CAMKK2: variants seen among roughly 807,000 people sequenced by gnomAD.
CAMKK2 encodes the protein calcium/calmodulin dependent protein kinase kinase 2.
Under a neutral mutation model 67.2 loss-of-function variants are expected in CAMKK2, and 30 were observed. The observed-to-expected ratio is 0.45, with a 90% CI of 0.33 to 0.61. The LOEUF is 0.61. CAMKK2 is among the 20% of genes least tolerant of loss of function. CAMKK2 has a pLI of 0.02. For missense variants in CAMKK2, 643 were observed against 802.0 expected, an observed-to-expected ratio of 0.80 and a Z score of 2.39; for synonymous variants, 322 against 326.2, an observed-to-expected ratio of 0.99 and a Z score of 0.14.
intron 1 of CAMKK2, among the ~76,000 whole-genome samples, chr12:121,288,018 T>C (rs186769953): frequency 6.6e-6 from 1 of 152,302 alleles, no homozygotes; most frequent in Admixed American, 6.5e-5. Context: ...AAACCAGGTG[T>C]GCATGGGTGG....
chr12:121,248,922 C>T (rs747937317), intron 13 of CAMKK2, among the ~76,000 whole-genome samples, 188 bp from the exon 14 acceptor site: 3 of 152,216 alleles, frequency 2.0e-5, no homozygotes, highest in African/African-American at 4.8e-5. Context: ...AGAGACAGGA[C>T]GGGAGGAGCT....
chr12:121,260,433 G>A, intron 6 of CAMKK2, 78 bp from the exon 7 acceptor site: 1 of 1,380,402 alleles, frequency 7.2e-7, no homozygotes, highest in Non-Finnish European at 1.0e-6. Flanking sequence ...GCAGGGAGGA[G>A]GCAGCATCCA....
At position 121,257,465 on chromosome 12, in the gene CAMKK2, C is replaced by T. The variant is rs192716041; in HGVS notation, c.797-1661G>A. 2.0e-5 allele frequency among the ~76,000 whole-genome samples: 3 copies of T among 152,220 alleles called. No individual in the cohort carries two copies. In the East Asian group the frequency reaches 5.8e-4, roughly 29 times the overall value. On this transcript the variant is annotated intron_variant, in intron 7 of 16. Transcript: ENST00000404169. ...GTTTCACCGTATTGGTCAGGCTGGT[C>T]TCGAACTTCTGACATCAGGTGATCC...
At chr12:121,256,172 A>G (rs1479043823) in intron 7 of CAMKK2, among the ~76,000 whole-genome samples, 1 of 152,214 alleles carries the variant, frequency 6.6e-6, no homozygotes, top group Non-Finnish European at 1.5e-5. Context: ...TGAGGTCAAG[A>G]GCTCGAGACC....
At chr12:121,255,344 ATATATATAAT>A (rs1416407103) in intron 9 of CAMKK2, among the ~76,000 whole-genome samples, 196 bp downstream of exon 9, 2 of 9,796 alleles carry the variant, frequency 2.0e-4, no homozygotes, top group Non-Finnish European at 3.9e-4. Flanking sequence ...ATATAATTTT[ATATATATAAT>A]TATATATATA....
intron 5 of CAMKK2, among the ~76,000 whole-genome samples, chr12:121,265,635 G>A (rs954817916): frequency 1.3e-5 from 2 of 152,072 alleles, no homozygotes; most frequent in African/African-American, 4.8e-5. Context: ...TTGGGAGGCC[G>A]AGGTGGGTGG....
intron 1 of CAMKK2, among the ~76,000 whole-genome samples, chr12:121,288,084 T>A (rs554353927): frequency 6.6e-6 from 1 of 152,284 alleles, no homozygotes; most frequent in South Asian, 2.1e-4. Context: ...TGGGTATGTG[T>A]TTAGAGGAGG....
intron 6 of CAMKK2, among the ~76,000 whole-genome samples, chr12:121,263,255 GGTTT>G (rs36166949): frequency 0.71 from 106,749 of 151,186 alleles, 39,201 homozygotes; most frequent in African/African-American, 0.93. Context: ...CCCTCTGTCT[GGTTT>G]GTTTGTTTGT....
chr12:121,251,076 G>A (rs1361797203), intron 11 of CAMKK2, among the ~76,000 whole-genome samples: 3 of 152,108 alleles, frequency 2.0e-5, no homozygotes, highest in Non-Finnish European at 4.4e-5. Flanking sequence ...TCCTTACACG[G>A]GACACTGAAA....
intron 15 of CAMKK2, 70 bp from the exon 16 acceptor site, chr12:121,244,685 C>A: frequency 7.6e-7 from 1 of 1,313,226 alleles, no homozygotes; most frequent in East Asian, 2.5e-5. Flanking sequence ...TGCCCGTTCC[C>A]CCACCCTGAG....
intron 5 of CAMKK2, among the ~76,000 whole-genome samples, chr12:121,266,320 C>T (rs1203662141): frequency 2.0e-5 from 3 of 151,884 alleles, no homozygotes; most frequent in East Asian, 1.9e-4. Flanking sequence ...TTACAGGACA[C>T]CATTTGTTAT....
chr12:121,269,750 A>C, intron 3 of CAMKK2, 169 bp from the exon 4 acceptor site: 1 of 617,322 alleles, frequency 1.6e-6, no homozygotes, highest in Non-Finnish European at 2.9e-6. Flanking sequence ...GCCAAGATTT[A>C]AAAACAGAAA....
chr12:121,290,250 G>A (rs1211848270), intron 1 of CAMKK2, among the ~76,000 whole-genome samples: 2 of 152,212 alleles, frequency 1.3e-5, no homozygotes, highest in Admixed American at 1.3e-4. Context: ...TCCTGGCAAA[G>A]CTATCAGGAC....
At chr12:121,273,243 A>G (rs1018578254) in intron 2 of CAMKK2, among the ~76,000 whole-genome samples, 1 of 152,082 alleles carries the variant, frequency 6.6e-6, no homozygotes, top group Non-Finnish European at 1.5e-5. Flanking sequence ...ACATTATCGG[A>G]ATAGGCCTTA....
chr12:121,260,542 C>T, intron 6 of CAMKK2, 187 bp from the exon 7 acceptor site: 1 of 600,598 alleles, frequency 1.7e-6, no homozygotes. Context: ...ATCCTAATGG[C>T]TATTCGGAAA....
chr12:121,270,104 G>A (rs1895446532), intron 3 of CAMKK2, among the ~76,000 whole-genome samples: 1 of 151,852 alleles, frequency 6.6e-6, no homozygotes, highest in South Asian at 2.1e-4. Flanking sequence ...AGGCAAGGTG[G>A]CTTACACCTG....
chr12:121,278,800 C>T (rs896805919), intron 1 of CAMKK2, among the ~76,000 whole-genome samples: 6 of 152,196 alleles, frequency 3.9e-5, no homozygotes, highest in Non-Finnish European at 7.3e-5. Flanking sequence ...AGCGTGAAAA[C>T]GGACTAATAC....
At position 121,240,526 on chromosome 12, in the gene CAMKK2, T is replaced by TTTTG; in HGVS notation, c.*172_*173insCAAA. On this transcript the variant is annotated 3_prime_UTR_variant, in exon 17 of 17. Transcript: ENST00000404169. The surrounding 1 kb of genome is among the most constrained non-coding windows in gnomAD (Gnocchi z 4.4). The stretch of plus-strand genomic sequence containing the variant: ...GGTCGACGTCATGGAGTCAAGTCCT[T>TTTTG]TTTTTTTTTTTGTCCCCTTTAAAAC... 1 of 1,072,872 alleles carries TTTTG rather than the reference T, an allele frequency of 9.3e-7. No homozygotes were observed. Among genetic ancestry groups the TTTTG allele is most frequent in the South Asian group, 1.7e-5 (1 of 58,408 alleles). The allele number at this position is 1,072,872 out of a possible 1,614,324, so 66.5% of individuals were successfully genotyped here.
intron 1 of CAMKK2, among the ~76,000 whole-genome samples, chr12:121,282,088 G>A (rs1158794395): frequency 2.6e-5 from 4 of 152,272 alleles, no homozygotes; most frequent in Non-Finnish European, 2.9e-5. Flanking sequence ...CTTGGTGAAC[G>A]TCTATTAGGC....
Sources: gnomAD v4.1 joint callset for allele counts (sites outside exome capture counted in the v4.1 genomes callset) on GRCh38, gnomAD v4.1.1 for gene constraint, Gnocchi (gnomAD v3.1) non-coding constraint, MANE v1.5 for transcripts, NCBI Gene and HGNC (gene_info 2026-07-23, HGNC 2026-07-21) for gene names.